Variants in RGS12 observed in about 807,000 individuals in gnomAD.
RGS12 encodes regulator of G protein signaling 12.
In RGS12, 66 loss-of-function variants were observed where a neutral mutation model predicts 120.1. The ratio of observed to expected loss-of-function variants is 0.55; its 90% CI spans 0.45 to 0.67. The LOEUF is 0.67. Among genes scored for constraint, RGS12 ranks in the 30% least tolerant of loss-of-function variants. RGS12 has a pLI of 0.00. For missense variants in RGS12, 1,859 were observed against 1,957.7 expected, an observed-to-expected ratio of 0.95 and a Z score of 0.95; for synonymous variants, 827 against 804.7, an observed-to-expected ratio of 1.03 and a Z score of -0.47.
At chr4:3,324,091 T>C (rs1255943553) in intron 2 of RGS12, 1 of 152,568 alleles carries the variant, frequency 6.6e-6, no homozygotes, top group African/African-American at 2.4e-5. Flanking sequence ...TTGTCATATC[T>C]GTTGTCGTGG....
chr4:3,304,758 C>T (rs1723880575), intron 1 of RGS12, among the ~76,000 whole-genome samples: 1 of 152,180 alleles, frequency 6.6e-6, no homozygotes, highest in Non-Finnish European at 1.5e-5. Flanking sequence ...TTTACATTGC[C>T]ACCTAGATAT....
intron 3 of RGS12, among the ~76,000 whole-genome samples, chr4:3,360,197 A>G (rs1047943880): frequency 3.3e-5 from 5 of 152,310 alleles, no homozygotes; most frequent in African/African-American, 1.2e-4. Context: ...TGTCTGTGGA[A>G]TTGGTAATAA....
upstream of RGS12, among the ~76,000 whole-genome samples, chr4:3,288,362 G>A (rs760594442): frequency 1.2e-4 from 18 of 152,254 alleles, no homozygotes; most frequent in Middle Eastern, 3.4e-3. The surrounding 1 kb of genome is among the most constrained non-coding windows in gnomAD (Gnocchi z 5.2). Flanking sequence ...GGTGTGAGCC[G>A]CGCAGAGGCC....
At chr4:3,288,863 T>C (rs2110336356), upstream of RGS12, among the ~76,000 whole-genome samples, 1 of 152,270 alleles carries the variant, frequency 6.6e-6, no homozygotes, top group Non-Finnish European at 1.5e-5. This position sits in a 1 kb window ranked among gnomAD's most constrained non-coding sequence, Gnocchi z 5.2. Context: ...TCCTTGTCTC[T>C]AATTATGGAC....
At chr4:3,395,311 T>C (rs1196453430) in intron 4 of RGS12, among the ~76,000 whole-genome samples, 1 of 152,174 alleles carries the variant, frequency 6.6e-6, no homozygotes, top group Non-Finnish European at 1.5e-5. Flanking sequence ...TATCAGGAGC[T>C]GTTTACTCTC....
At chr4:3,417,574 A>C (rs2109127692) in intron 9 of RGS12, 33 bp downstream of exon 9, 5 of 1,603,854 alleles carry the variant, frequency 3.1e-6, no homozygotes, top group South Asian at 2.2e-5. Context: ...TGTGGTGTCC[A>C]GGCCAGGCAG....
At chr4:3,375,714 G>GC (rs1281688122) in intron 3 of RGS12, among the ~76,000 whole-genome samples, 1 of 98,660 alleles carries the variant, frequency 1.0e-5, no homozygotes, top group Non-Finnish European at 2.1e-5. Flanking sequence ...CTCATCTCCA[G>GC]CCTCATCTCC....
chr4:3,358,547 G>A (rs1430227550), intron 3 of RGS12, among the ~76,000 whole-genome samples: 1 of 151,780 alleles, frequency 6.6e-6, no homozygotes, highest in African/African-American at 2.4e-5. Flanking sequence ...GTCATGAAAG[G>A]GTACTGAATT....
intron 4 of RGS12, among the ~76,000 whole-genome samples, chr4:3,395,931 G>A (rs1447332226): frequency 6.6e-6 from 1 of 152,122 alleles, no homozygotes; most frequent in Non-Finnish European, 1.5e-5. Flanking sequence ...ATATAAAATG[G>A]TGTAGCGTTT....
chr4:3,331,136 G>T (rs1435295219), intron 2 of RGS12, among the ~76,000 whole-genome samples: 1 of 152,198 alleles, frequency 6.6e-6, no homozygotes, highest in Non-Finnish European at 1.5e-5. Flanking sequence ...GGCATATCGA[G>T]TGGAAAATGC....
At chr4:3,403,527 C>T (rs1024068481) in intron 4 of RGS12, among the ~76,000 whole-genome samples, 1 of 152,258 alleles carries the variant, frequency 6.6e-6, no homozygotes, top group African/African-American at 2.4e-5. Context: ...TGGACCTCAG[C>T]AGCTTCATCT....
intron 2 of RGS12, among the ~76,000 whole-genome samples, chr4:3,320,861 G>T (rs1003457399): frequency 1.1e-4 from 16 of 152,154 alleles, no homozygotes; most frequent in African/African-American, 3.9e-4. Context: ...AGCGATCAGG[G>T]CCCCACCTGG....
chr4:3,423,461 TCTC>T, intron 12 of RGS12, 51 bp from the exon 13 acceptor site: 1 of 1,603,834 alleles, frequency 6.2e-7, no homozygotes, highest in Admixed American at 1.7e-5. Flanking sequence ...GTGAGACTGA[TCTC>T]CTAATGAGGG....
At chr4:3,310,922 A>T (rs1724357607) in intron 1 of RGS12, among the ~76,000 whole-genome samples, 1 of 152,190 alleles carries the variant, frequency 6.6e-6, no homozygotes, top group East Asian at 1.9e-4. Flanking sequence ...TTTGCCGTTA[A>T]TTGGCTGTGT....
rs1479993049 is a variant in RGS12, at chr4:3,293,023, C to G, written c.-178C>G. ...TCGCCTCGACCCCGGGGGGCGGTGG[C>G]TGCCGAGGCGACCGTTGCGCGCGCG... On this transcript the variant is annotated 5_prime_UTR_variant, in exon 1 of 18. Coordinates refer to ENST00000336727, the MANE Select transcript of RGS12 (RefSeq NM_001394154.1). 1 of 149,148 alleles carries G rather than the reference C, an allele frequency of 6.7e-6. No homozygotes were observed. Among genetic ancestry groups the G allele is most frequent in the East Asian group, 2.0e-4 (1 of 5,084 alleles). The allele number at this position is 149,148 out of a possible 1,614,324, so 9.2% of individuals were successfully genotyped here.
chr4:3,414,799 G>A lies in RGS12; in HGVS notation c.2238G>A (p.Gln746=), dbSNP rs1194994088. 6.2e-7 allele frequency: 1 copy of A among 1,613,646 alleles called. No homozygotes were observed. The highest frequency in any genetic ancestry group is 1.3e-5 in the African/African-American group (1 of 74,924). ...GTGAAGAAAACATTTTATTCTGGCA[G>A]GCCTGTGAATATTTTAATCATGTTC... is the stretch of plus-strand genomic sequence containing the variant. ...EFSEENILFW[Q]ACEYFNHVPA... is the part of the protein sequence containing the mutation. Residue 746 remains glutamine (Q), a synonymous_variant, in exon 6 of 18, where the codon CAG becomes CAA. Transcript: ENST00000336727.
At chr4:3,386,233 C>T (rs544853751) in intron 3 of RGS12, 183 bp from the exon 4 acceptor site, 7 of 627,428 alleles carry the variant, frequency 1.1e-5, no homozygotes, top group East Asian at 2.7e-5. Context: ...CTAGTTTGGG[C>T]GGAGTGGGAG....
At chr4:3,326,322 C>T (rs1313743004) in intron 2 of RGS12, among the ~76,000 whole-genome samples, 2 of 152,192 alleles carry the variant, frequency 1.3e-5, no homozygotes, top group African/African-American at 2.4e-5. Flanking sequence ...TCCTAGGTCA[C>T]TGTAACCTCA....
In RGS12 at chr4:3,420,636, G is replaced by A. The variant is rs779379086; in HGVS notation, c.2762-6G>A. On this transcript the variant is annotated splice_region_variant and splice_polypyrimidine_tract_variant and intron_variant, in intron 9 of 17. Coordinates refer to ENST00000336727, the MANE Select transcript of RGS12 (RefSeq NM_001394154.1). ...TGACGTGAGTCACTGTGTTTCCCCT[G>A]TCAAGACGCCCTGCATGCCAATGGA... 1 of 1,613,566 alleles carries A rather than the reference G, an allele frequency of 6.2e-7. No homozygotes were observed. Among genetic ancestry groups the A allele is most frequent in the South Asian group, 1.1e-5 (1 of 91,080 alleles).
Sources: gnomAD v4.1 joint callset for allele counts (sites outside exome capture counted in the v4.1 genomes callset) on GRCh38, gnomAD v4.1.1 for gene constraint, Gnocchi (gnomAD v3.1) non-coding constraint, MANE v1.5 for transcripts, NCBI Gene and HGNC (gene_info 2026-07-23, HGNC 2026-07-21) for gene names.